Variants in DOCK3 observed in about 807,000 individuals in gnomAD.
DOCK3 encodes the protein dedicator of cytokinesis 3.
DOCK3 carries 60 observed loss-of-function variants against 265.6 expected under a neutral mutation model. The ratio of observed to expected loss-of-function variants is 0.23; its 90% CI spans 0.18 to 0.28. The LOEUF is 0.28. Ranked by LOEUF, DOCK3 falls within the 10% of genes least tolerant of loss-of-function variation. DOCK3 has a pLI of 1.00. For synonymous variants in DOCK3, 881 were observed against 938.0 expected (o/e 0.94, Z 1.11); for missense variants, 1,981 against 2,594.3 (o/e 0.76, Z 5.14).
intron 5 of DOCK3, among the ~76,000 whole-genome samples, chr3:50,966,821 G>A (rs1311565289): frequency 6.6e-6 from 1 of 152,020 alleles, no homozygotes; most frequent in African/African-American, 2.4e-5. Context: ...CTGAAGGAAA[G>A]GGTACAAGCC....
intron 21 of DOCK3, among the ~76,000 whole-genome samples, chr3:51,245,094 T>C (rs1173982292): frequency 6.6e-6 from 1 of 152,150 alleles, no homozygotes; most frequent in Non-Finnish European, 1.5e-5. Flanking sequence ...TTTGGGAGGC[T>C]GAGGCGGGTG....
intron 39 of DOCK3, among the ~76,000 whole-genome samples, 177 bp from the exon 40 acceptor site, chr3:51,350,111 C>T (rs2085876425): frequency 6.6e-6 from 1 of 152,188 alleles, no homozygotes; most frequent in Non-Finnish European, 1.5e-5. Context: ...AGGGCTTTCT[C>T]TTCCATGATG....
At chr3:51,356,534 C>T in intron 43 of DOCK3, 41 bp downstream of exon 43, 1 of 1,588,000 alleles carries the variant, frequency 6.3e-7, no homozygotes, top group Non-Finnish European at 8.6e-7. Context: ...CACAACTGCT[C>T]CATCAGCCCC....
chr3:51,113,522 A>C (rs2083608093), intron 9 of DOCK3, among the ~76,000 whole-genome samples: 1 of 152,182 alleles, frequency 6.6e-6, no homozygotes, highest in Non-Finnish European at 1.5e-5. Context: ...CACGTACCAG[A>C]AACACTAATC....
intron 7 of DOCK3, among the ~76,000 whole-genome samples, chr3:51,081,633 C>T (rs2082241968): frequency 6.6e-6 from 1 of 152,018 alleles, no homozygotes; most frequent in South Asian, 2.1e-4. Flanking sequence ...TGGTGGCTCA[C>T]GCCTGTAATC....
intron 5 of DOCK3, among the ~76,000 whole-genome samples, chr3:51,036,826 T>C (rs1324778073): frequency 1.3e-5 from 2 of 152,144 alleles, no homozygotes; most frequent in African/African-American, 4.8e-5. Context: ...GTCTTTCCCA[T>C]GCTGTTCACC....
chr3:51,220,709 G>GTGTGTGTATA (rs1208536854), intron 14 of DOCK3, among the ~76,000 whole-genome samples: 51 of 132,364 alleles, frequency 3.9e-4, no homozygotes, highest in African/African-American at 1.5e-3. Context: ...GTGTGTGTGT[G>GTGTGTGTATA]TATATATATA....
rs199583157 is a variant in DOCK3 at position 50,790,966 on chromosome 3, TG to T, written c.121+12209del. ...TTGCCCACTTTTTAATGTTTTTTTT[TG>T]TTGTTGTTATAAATTTGTTTAAGTT... On this transcript the variant is annotated intron_variant, in intron 2 of 52. Transcript: ENST00000266037. Among the ~76,000 whole-genome samples, 31 of 147,514 alleles carry T rather than the reference TG, an allele frequency of 2.1e-4. No homozygotes were observed. The East Asian group carries it at 3.6e-3, about 17-fold the overall frequency.
At chr3:51,062,345 T>A (rs4927977) in intron 5 of DOCK3, among the ~76,000 whole-genome samples, 137,215 of 152,202 alleles carry the variant, frequency 0.9, 62,047 homozygotes, top group African/African-American at 0.95. Flanking sequence ...CTGACCCTGT[T>A]TTTCCTGAAC....
chr3:50,757,677 A>G (rs2040246765), intron 1 of DOCK3, among the ~76,000 whole-genome samples: 2 of 151,932 alleles, frequency 1.3e-5, no homozygotes, highest in African/African-American at 4.8e-5. Flanking sequence ...TTCACATCTA[A>G]GAAACAGTTG....
At chr3:51,341,521 T>A in intron 38 of DOCK3, 136 bp downstream of exon 38, 1 of 1,260,370 alleles carries the variant, frequency 7.9e-7, no homozygotes, top group Non-Finnish European at 1.1e-6. Flanking sequence ...TCTATGTGCC[T>A]AAGATGTGGA....
At chr3:51,038,872 GT>G (rs545959600) in intron 5 of DOCK3, among the ~76,000 whole-genome samples, 15 of 145,584 alleles carry the variant, frequency 1.0e-4, no homozygotes, top group South Asian at 2.2e-4. Flanking sequence ...ATGTATTCTA[GT>G]TTTTTTTTTG....
intron 5 of DOCK3, among the ~76,000 whole-genome samples, chr3:50,978,996 G>A (rs1249622259): frequency 1.3e-5 from 2 of 152,168 alleles, no homozygotes; most frequent in Non-Finnish European, 2.9e-5. Flanking sequence ...GCCTTACCCT[G>A]CTTCGGCTCG....
At chr3:51,200,440 G>GATAAAATGA (rs370230070) in intron 12 of DOCK3, among the ~76,000 whole-genome samples, 1 of 21,986 alleles carries the variant, frequency 4.5e-5, no homozygotes, top group Non-Finnish European at 8.1e-5. Flanking sequence ...AGTGATGGAA[G>GATAAAATGA]ATGAAATGAA....
At chr3:51,075,913 A>G (rs1257088521) in intron 7 of DOCK3, among the ~76,000 whole-genome samples, 1 of 152,222 alleles carries the variant, frequency 6.6e-6, no homozygotes, top group Non-Finnish European at 1.5e-5. Flanking sequence ...GATTACATTT[A>G]TAGTCTAGAT....
chr3:50,787,730 C>T (rs991252094), intron 2 of DOCK3: 32 of 1,233,566 alleles, frequency 2.6e-5, no homozygotes, highest in South Asian at 1.1e-4. Context: ...CTTTCTGTAA[C>T]GCTGACTTTC....
At chr3:50,898,437 A>G (rs1448622725) in intron 4 of DOCK3, 1 of 151,956 alleles carries the variant, frequency 6.6e-6, no homozygotes, top group Non-Finnish European at 1.5e-5. Context: ...CAGTTCCTGG[A>G]TTTATTGATT....
intron 3 of DOCK3, among the ~76,000 whole-genome samples, chr3:50,866,909 C>T (rs1283504296): frequency 6.6e-6 from 1 of 152,108 alleles, no homozygotes; most frequent in African/African-American, 2.4e-5. Context: ...TAAGAAACAG[C>T]TATTCTGTTT....
intron 5 of DOCK3, among the ~76,000 whole-genome samples, chr3:50,975,285 A>G (rs374517162): frequency 6.6e-6 from 1 of 151,338 alleles, no homozygotes; most frequent in Non-Finnish European, 1.5e-5. Flanking sequence ...GTTTGTCATA[A>G]ATAGCTCTTA....
Sources: gnomAD v4.1 joint callset for allele counts (sites outside exome capture counted in the v4.1 genomes callset) on GRCh38, gnomAD v4.1.1 for gene constraint, MANE v1.5 for transcripts, NCBI Gene and HGNC (gene_info 2026-07-23, HGNC 2026-07-21) for gene names.